The following HEG1 variants were observed in gnomAD, a reference collection of about 807,000 sequenced individuals.
HEG1 encodes the protein protein HEG homolog 1.
HEG1 carries 56 observed loss-of-function variants against 125.6 expected under a neutral mutation model. The ratio of observed to expected loss-of-function variants is 0.45; its 90% CI spans 0.36 to 0.56. The LOEUF (loss-of-function observed/expected upper bound fraction) is 0.56. HEG1 is among the 20% of genes least tolerant of loss of function. The pLI, the probability that HEG1 is intolerant of heterozygous loss-of-function variation, is 0.00. For missense variants in HEG1, 1,523 were observed against 1,670.0 expected, an observed-to-expected ratio of 0.91 and a Z score of 1.53; for synonymous variants, 644 against 668.5, an observed-to-expected ratio of 0.96 and a Z score of 0.57.
At chr3:124,971,213 G>T in intron 16 of HEG1, 1 of 455,188 alleles carries the variant, frequency 2.2e-6, no homozygotes, top group South Asian at 1.6e-5. Context: ...ATTATTTCTT[G>T]GCAGAAATAA....
At chr3:125,052,333 GAAGTTGGCCCACA>G (rs1937832398) in intron 1 of HEG1, among the ~76,000 whole-genome samples, 1 of 152,176 alleles carries the variant, frequency 6.6e-6, no homozygotes, top group African/African-American at 2.4e-5. Flanking sequence ...GCTAAATGAC[GAAGTTGGCCCACA>G]AAGTTAGAGC....
Position 125,055,935 on chromosome 3 carries a change from A to AGGGCAGT in HEG1, c.-46_-45insACTGCCC. 1 of 800,162 alleles carries AGGGCAGT rather than the reference A, an allele frequency of 1.2e-6. No homozygotes were observed. The highest frequency in any genetic ancestry group is 1.5e-6 in the Non-Finnish European group (1 of 664,188). The allele number at this position is 800,162 out of a possible 1,614,324, so 49.6% of individuals were successfully genotyped here. Reference sequence around the variant, plus strand: ...GCTCACATGCCCGGCGCGCGGGGCGAGGGCAGCGGGCAGCGGGCAGCGGGC... The same window carrying AGGGCAGT: ...GCTCACATGCCCGGCGCGCGGGGCGAGGGCAGTGGGCAGCGGGCAGCGGGCAGCGGGC... On this transcript the variant is annotated 5_prime_UTR_variant, in exon 1 of 17. Coordinates refer to ENST00000311127, the MANE Select transcript of HEG1 (RefSeq NM_020733.2).
chr3:124,982,872 G>C (rs1176594916), intron 14 of HEG1, among the ~76,000 whole-genome samples: 2 of 152,166 alleles, frequency 1.3e-5, no homozygotes, highest in Non-Finnish European at 2.9e-5. Context: ...CAGGAATTTG[G>C]GAAAAGAGGG....
intron 1 of HEG1, among the ~76,000 whole-genome samples, chr3:125,047,054 T>C (rs1351183082): frequency 2.6e-5 from 4 of 152,250 alleles, no homozygotes; most frequent in Non-Finnish European, 5.9e-5. Context: ...ATCATGAAAG[T>C]TGGCTCTTTC....
chr3:124,994,074 T>G (rs113353595), intron 12 of HEG1, among the ~76,000 whole-genome samples: 200 of 152,186 alleles, frequency 1.3e-3, no homozygotes, highest in African/African-American at 4.5e-3. Context: ...TGGAAGACAT[T>G]TTTTCCATGG....
rs1553776022 is a variant in HEG1 at position 124,987,952 on chromosome 3, C to CATATAT, written c.3733+2829_3733+2834dup. 9.1e-5 allele frequency among the ~76,000 whole-genome samples: 5 copies of CATATAT among 54,690 alleles called. No homozygotes were observed. In the East Asian group the frequency reaches 2.4e-3, roughly 26 times the overall value. 35.9% of individuals were successfully genotyped at this position (54,690 alleles called of 152,430 possible). A position where few individuals can be genotyped will look rare whatever the true frequency, so the allele number is the denominator to read the frequency against. The stretch of plus-strand genomic sequence containing the variant: ...ACACACACACACACACACACACACA[C>CATATAT]ATATATATATATATATATATATACC... On this transcript the variant is annotated intron_variant, in intron 14 of 16. Coordinates refer to ENST00000311127, the MANE Select transcript of HEG1 (RefSeq NM_020733.2).
intron 9 of HEG1, among the ~76,000 whole-genome samples, chr3:125,003,678 G>A (rs1029965968): frequency 6.6e-6 from 1 of 152,146 alleles, no homozygotes; most frequent in Non-Finnish European, 1.5e-5. Context: ...ATTGAGGTCA[G>A]CCACATGACA....
At chr3:125,007,030 T>C (rs368552756) in intron 8 of HEG1, among the ~76,000 whole-genome samples, 15 of 151,336 alleles carry the variant, frequency 9.9e-5, no homozygotes, top group African/African-American at 2.9e-4. Flanking sequence ...AAACCCCGTC[T>C]CTACTAAAAA....
chr3:125,035,854 T>G (rs1164880691), intron 1 of HEG1, among the ~76,000 whole-genome samples: 1 of 152,126 alleles, frequency 6.6e-6, no homozygotes, highest in Non-Finnish European at 1.5e-5. Context: ...TGGCATGGGA[T>G]AATTAGAATC....
At chr3:125,055,217 A>T (rs897308010) in intron 1 of HEG1, among the ~76,000 whole-genome samples, 1 of 152,184 alleles carries the variant, frequency 6.6e-6, no homozygotes, top group Non-Finnish European at 1.5e-5. Context: ...TAGCGGAAAA[A>T]ATGAAACTGG....
At chr3:125,001,825 G>T in intron 11 of HEG1, 27 bp downstream of exon 11, 11 of 1,604,126 alleles carry the variant, frequency 6.9e-6, no homozygotes, top group Non-Finnish European at 9.4e-6. Flanking sequence ...ATATGGGTAG[G>T]ATCCTCCCAG....
rs548675381 is a variant in HEG1 at position 124,988,306 on chromosome 3, A to G, written c.3733+2481T>C. Among the ~76,000 whole-genome samples, 151 of 152,330 alleles carry G rather than the reference A, an allele frequency of 9.9e-4. 2 individuals carry two copies. The highest frequency in any genetic ancestry group is 3.4e-3 in the African/African-American group (143 of 41,586). Reference sequence around the variant, plus strand: ...CTGGCTTGCCTAAATACTGATCTTTAGAAAGGACATGTACTGCCATCCAGA... The same window carrying G: ...CTGGCTTGCCTAAATACTGATCTTTGGAAAGGACATGTACTGCCATCCAGA... On this transcript the variant is annotated intron_variant, in intron 14 of 16. Coordinates refer to ENST00000311127, the MANE Select transcript of HEG1 (RefSeq NM_020733.2).
intron 15 of HEG1, 119 bp downstream of exon 15, chr3:124,977,740 G>C: frequency 1.9e-6 from 1 of 534,828 alleles, no homozygotes; most frequent in Non-Finnish European, 3.1e-6. Flanking sequence ...AAATGGGTTA[G>C]TCACACATTA....
At position 125,020,971 on chromosome 3, in the gene HEG1, C is replaced by G. The variant is rs1417209868; in HGVS notation, c.1073G>C (p.Gly358Ala). The change falls in exon 4 of 17, where the codon GGC (glycine) becomes GCC (alanine). Residue 358 changes from glycine to alanine, a missense_variant. Physicochemically the swap from Gly to Ala is moderately conservative, Grantham distance 60. Transcript: ENST00000311127. ...GGCAATTCTGGAGTCCTTGGGGAAGCCTTCTGTCTTGCTCACAGGTCCCAG... is the reference window on the plus strand; with the variant it reads ...GGCAATTCTGGAGTCCTTGGGGAAGGCTTCTGTCTTGCTCACAGGTCCCAG... ...VSLGPVSKTE[G>A]FPKDSRIATT... 5.6e-6 allele frequency: 9 copies of G among 1,613,932 alleles called. No homozygotes were observed. Among genetic ancestry groups the G allele is most frequent in the Middle Eastern group, 1.6e-4 (1 of 6,062 alleles).
intron 11 of HEG1, among the ~76,000 whole-genome samples, chr3:124,998,740 G>T (rs1222279299): frequency 6.6e-6 from 1 of 152,202 alleles, no homozygotes; most frequent in South Asian, 2.1e-4. Flanking sequence ...CAATGAGGGT[G>T]CATAGGCCTC....
At chr3:125,049,365 G>A (rs571918103) in intron 1 of HEG1, among the ~76,000 whole-genome samples, 40 of 152,166 alleles carry the variant, frequency 2.6e-4, no homozygotes, top group African/African-American at 7.7e-4. Flanking sequence ...CTCTCATTGC[G>A]CCCTCATGCC....
intron 1 of HEG1, among the ~76,000 whole-genome samples, chr3:125,044,760 G>A (rs1479125446): frequency 6.6e-6 from 1 of 152,122 alleles, no homozygotes; most frequent in Non-Finnish European, 1.5e-5. Context: ...CCAGAGAAAG[G>A]GTAACATGTA....
chr3:125,020,733 A>G, intron 4 of HEG1, 59 bp downstream of exon 4: 3 of 1,446,002 alleles, frequency 2.1e-6, no homozygotes, highest in East Asian at 2.3e-5. Flanking sequence ...GAGGTCCCCT[A>G]AGAAAATTCA....
intron 16 of HEG1, among the ~76,000 whole-genome samples, chr3:124,971,348 C>T (rs1272597541): frequency 1.3e-5 from 2 of 152,224 alleles, no homozygotes; most frequent in Non-Finnish European, 2.9e-5. Context: ...ATGCCCTAAG[C>T]TTAGGCTCTG....
Sources: allele counts gnomAD v4.1 joint callset (sites outside exome capture counted in the v4.1 genomes callset), GRCh38; gene constraint gnomAD v4.1.1; transcripts MANE v1.5; gene names NCBI Gene and HGNC (gene_info 2026-07-23, HGNC 2026-07-21).